The following SULF1 variants were observed in gnomAD, a reference collection of about 807,000 sequenced individuals.
The protein encoded by SULF1 is sulfatase 1.
A neutral mutation model predicts 110.5 loss-of-function variants in SULF1; 46 were observed. That is an observed-to-expected ratio of 0.42 (90% CI 0.33 to 0.53). SULF1 has a LOEUF of 0.53. Among genes scored for constraint, SULF1 ranks in the 20% least tolerant of loss-of-function variants. The probability of loss-of-function intolerance (pLI) is 0.12; values close to 1 mark genes in which losing one functional copy is unlikely to be tolerated. For synonymous variants in SULF1, 371 were observed against 387.1 expected (o/e 0.96, Z 0.49); for missense variants, 941 against 1,094.2 (o/e 0.86, Z 1.98).
chr8:69,638,946 A>G (rs1447148328), intron 21 of SULF1, 88 bp downstream of exon 21: 1 of 1,286,918 alleles, frequency 7.8e-7, no homozygotes, highest in Non-Finnish European at 1.1e-6. Context: ...TTAATTGCAC[A>G]GAAACATATA....
chr8:69,593,458 C>T (rs1461162315), intron 8 of SULF1, among the ~76,000 whole-genome samples: 1 of 152,176 alleles, frequency 6.6e-6, no homozygotes, highest in Non-Finnish European at 1.5e-5. Context: ...GGTCATCTTC[C>T]TTGGTGGTCA....
intron 8 of SULF1, among the ~76,000 whole-genome samples, chr8:69,595,179 A>G (rs192190522): frequency 6.6e-6 from 1 of 152,326 alleles, no homozygotes. Flanking sequence ...CCCAAAGTCT[A>G]TATTTTTTAA....
chr8:69,643,986 A>G (rs927364480), intron 22 of SULF1, among the ~76,000 whole-genome samples: 1 of 152,156 alleles, frequency 6.6e-6, no homozygotes, highest in Non-Finnish European at 1.5e-5. Context: ...AGCCGTGGCC[A>G]TGTGTCCCGG....
At chr8:69,654,973 G>T (rs1430964266) in intron 22 of SULF1, among the ~76,000 whole-genome samples, 1 of 152,092 alleles carries the variant, frequency 6.6e-6, no homozygotes, top group Non-Finnish European at 1.5e-5. Flanking sequence ...ATGTAACTTG[G>T]TGGTCCAAAT....
chr8:69,583,775 G>A (rs985485972), intron 6 of SULF1, among the ~76,000 whole-genome samples: 1 of 152,142 alleles, frequency 6.6e-6, no homozygotes, highest in Non-Finnish European at 1.5e-5. Flanking sequence ...CAGTCTAGCA[G>A]GTGTTCAGCT....
intron 3 of SULF1, among the ~76,000 whole-genome samples, chr8:69,545,597 T>TC (rs1410043386): frequency 1.3e-5 from 2 of 152,192 alleles, no homozygotes; most frequent in African/African-American, 2.4e-5. Flanking sequence ...GAAACGCCAG[T>TC]CATGACATGT....
intron 22 of SULF1, among the ~76,000 whole-genome samples, chr8:69,647,620 G>C (rs540713065): frequency 1.3e-5 from 2 of 151,868 alleles, no homozygotes; most frequent in Non-Finnish European, 2.9e-5. Flanking sequence ...AAATAAAAAC[G>C]GCTAGGCACA....
At chr8:69,627,690 G>C in intron 16 of SULF1, 82 bp from the exon 17 acceptor site, 4 of 929,624 alleles carry the variant, frequency 4.3e-6, no homozygotes, top group Non-Finnish European at 6.8e-6. Flanking sequence ...TTACAGAACA[G>C]AGAAAACAAG....
chr8:69,513,025 T>C (rs188090757), intron 3 of SULF1, among the ~76,000 whole-genome samples: 13 of 152,366 alleles, frequency 8.5e-5, no homozygotes, highest in South Asian at 2.1e-4. Context: ...GTCATTTATA[T>C]ATCTGTGTTT....
chr8:69,652,372 A>G (rs1405991036), intron 22 of SULF1, among the ~76,000 whole-genome samples: 2 of 152,296 alleles, frequency 1.3e-5, no homozygotes, highest in Admixed American at 6.5e-5. Context: ...ACAGCTATCA[A>G]TGTTATCCTT....
chr8:69,581,529 T>C (rs751390036), intron 6 of SULF1, among the ~76,000 whole-genome samples: 2 of 152,166 alleles, frequency 1.3e-5, no homozygotes. Flanking sequence ...AAGTGCTTAA[T>C]GGTATCCAAA....
At chr8:69,529,133 T>A (rs1384102181) in intron 3 of SULF1, among the ~76,000 whole-genome samples, 1 of 152,156 alleles carries the variant, frequency 6.6e-6, no homozygotes, top group African/African-American at 2.4e-5. Flanking sequence ...GTTTAACCTG[T>A]GCCAGGTGTC....
intron 3 of SULF1, among the ~76,000 whole-genome samples, chr8:69,511,119 C>T (rs186366132): frequency 6.6e-6 from 1 of 152,170 alleles, no homozygotes; most frequent in East Asian, 1.9e-4. Flanking sequence ...ATACCTTAAT[C>T]TTACATGTTT....
intron 15 of SULF1, among the ~76,000 whole-genome samples, chr8:69,626,762 C>G (rs1417000172): frequency 2.0e-5 from 3 of 152,248 alleles, no homozygotes; most frequent in East Asian, 1.9e-4. Flanking sequence ...CCGGCCTCTG[C>G]GAGTGTGGGG....
intron 15 of SULF1, among the ~76,000 whole-genome samples, chr8:69,626,877 G>A (rs1810108495): frequency 6.6e-6 from 1 of 152,238 alleles, no homozygotes. Flanking sequence ...TGCAAGCTGA[G>A]GGAGCCGGCA....
At chr8:69,552,188 C>T (rs1296192661) in intron 3 of SULF1, among the ~76,000 whole-genome samples, 2 of 152,204 alleles carry the variant, frequency 1.3e-5, no homozygotes, top group Non-Finnish European at 2.9e-5. Flanking sequence ...CCCTACTCCA[C>T]GTTATGAATT....
At chr8:69,537,642 T>G (rs1196966771) in intron 3 of SULF1, among the ~76,000 whole-genome samples, 1 of 152,224 alleles carries the variant, frequency 6.6e-6, no homozygotes, top group Non-Finnish European at 1.5e-5. Context: ...GTTTACCATT[T>G]TTACCACAAA....
chr8:69,478,719 T>A (rs1809401898), intron 1 of SULF1, among the ~76,000 whole-genome samples: 1 of 152,200 alleles, frequency 6.6e-6, no homozygotes, highest in Admixed American at 6.5e-5. Flanking sequence ...TAGCTCTTAA[T>A]TATGTACAAT....
intron 13 of SULF1, among the ~76,000 whole-genome samples, chr8:69,605,826 T>G (rs1448048069): frequency 6.6e-6 from 1 of 152,218 alleles, no homozygotes; most frequent in Non-Finnish European, 1.5e-5. Flanking sequence ...TAGCATTTAC[T>G]CAATTTAATC....
Sources: gnomAD v4.1 joint callset for allele counts (sites outside exome capture counted in the v4.1 genomes callset) on GRCh38, gnomAD v4.1.1 for gene constraint, MANE v1.5 for transcripts, NCBI Gene and HGNC (gene_info 2026-07-23, HGNC 2026-07-21) for gene names.